Variants in TXNDC15 observed in about 807,000 individuals in gnomAD.
TXNDC15 encodes thioredoxin domain-containing protein 15.
A neutral mutation model predicts 35.0 loss-of-function variants in TXNDC15; 24 were observed. That is an observed-to-expected ratio of 0.68 (90% CI 0.50 to 0.96). The LOEUF (loss-of-function observed/expected upper bound fraction) is 0.96. Among genes scored for constraint, TXNDC15 ranks in the 40% least tolerant of loss-of-function variants. TXNDC15 has a pLI of 0.00. For synonymous variants in TXNDC15, 169 were observed against 174.0 expected (o/e 0.97, Z 0.23); for missense variants, 385 against 453.3 (o/e 0.85, Z 1.37).
At chr5:134,896,682 C>A (rs1299119042) in intron 4 of TXNDC15, among the ~76,000 whole-genome samples, 1 of 130,324 alleles carries the variant, frequency 7.7e-6, no homozygotes, top group South Asian at 2.4e-4. Flanking sequence ...CTTGCTCTGT[C>A]GCCCAGGCTG....
chr5:134,877,947 G>A (rs184061578), intron 1 of TXNDC15, among the ~76,000 whole-genome samples: 1 of 152,148 alleles, frequency 6.6e-6, no homozygotes, highest in East Asian at 1.9e-4. Flanking sequence ...CTAATTTTTG[G>A]TATTTTTAGT....
At chr5:134,876,837 C>G (rs896889903) in intron 1 of TXNDC15, among the ~76,000 whole-genome samples, 1 of 151,296 alleles carries the variant, frequency 6.6e-6, no homozygotes, top group African/African-American at 2.4e-5. Flanking sequence ...CAATGCTATC[C>G]AGGTGTCTAG....
chr5:134,889,129 G>A (rs963131009), intron 2 of TXNDC15, among the ~76,000 whole-genome samples: 2 of 152,352 alleles, frequency 1.3e-5, no homozygotes, highest in East Asian at 3.9e-4. Context: ...AGATGCTGTG[G>A]TCTGTGGGAC....
Position 134,888,085 on chromosome 5 carries a change from A to G in TXNDC15, c.494A>G (p.Asn165Ser), listed in dbSNP as rs764116198. The G allele has an allele frequency of 4.2e-5, 68 of 1,614,118 alleles. 1 individual carries two copies. Among genetic ancestry groups the G allele is most frequent in the Admixed American group, 8.3e-5 (5 of 60,002 alleles). ...GACGCAGCCCCGACAGAGGACTCCA[A>G]TAACACTGAAAGTCTGAAATCCCCA... Reference protein sequence around the residue: ...ESDAAPTEDSNNTESLKSPKV... With the variant: ...ESDAAPTEDSSNTESLKSPKV... The change falls in exon 2 of 5, where the codon AAT becomes AGT. Residue 165 changes from asparagine (N) to serine (S), a missense_variant. By Grantham distance (46) the Asn-to-Ser change is conservative. Transcript: ENST00000358387.
intron 2 of TXNDC15, 79 bp from the exon 3 acceptor site, chr5:134,893,413 G>A (rs1750425881): frequency 3.2e-6 from 5 of 1,559,550 alleles, no homozygotes; most frequent in African/African-American, 1.4e-5. Flanking sequence ...TGGAGCAGCA[G>A]TGTGTCCTGT....
chr5:134,882,291 C>G (rs973247937), intron 1 of TXNDC15, among the ~76,000 whole-genome samples: 1 of 151,328 alleles, frequency 6.6e-6, no homozygotes. Flanking sequence ...GGATGGCGGC[C>G]GGGAAGAGGC....
At chr5:134,879,386 G>T (rs149112956) in intron 1 of TXNDC15, among the ~76,000 whole-genome samples, 1,665 of 152,290 alleles carry the variant, frequency 0.011, 19 homozygotes, top group Non-Finnish European at 0.017. Context: ...AATCTAGAAT[G>T]TTGATTAGGT....
intron 3 of TXNDC15, among the ~76,000 whole-genome samples, chr5:134,895,746 A>G (rs1292916028): frequency 6.6e-6 from 1 of 152,220 alleles, no homozygotes; most frequent in Non-Finnish European, 1.5e-5. Flanking sequence ...TTGGGAGCTT[A>G]TCACCACTAG....
intron 1 of TXNDC15, among the ~76,000 whole-genome samples, chr5:134,875,792 C>T (rs2150182850): frequency 6.6e-6 from 1 of 152,198 alleles, no homozygotes; most frequent in South Asian, 2.1e-4. Context: ...GCCTCAGCCT[C>T]CTGAGTAGCT....
chr5:134,899,175 G>A (rs952974128), intron 4 of TXNDC15, among the ~76,000 whole-genome samples: 2 of 151,902 alleles, frequency 1.3e-5, no homozygotes, highest in South Asian at 2.1e-4. Flanking sequence ...ACTGAACTTT[G>A]GTCTCAAAAG....
Position 134,888,082 on chromosome 5 carries a change from CCAATAA to C in TXNDC15, c.494_499del (p.Asn165_Asn166del). ...TCTGACGCAGCCCCGACAGAGGACT[CCAATAA>C]CACTGAAAGTCTGAAATCCCCAAAG... On this transcript the variant is annotated inframe_deletion, in exon 2 of 5. Coordinates refer to ENST00000358387, the MANE Select transcript of TXNDC15 (RefSeq NM_024715.4). The C allele has an allele frequency of 6.2e-7, 1 of 1,614,086 alleles. No individual in the cohort carries two copies.
intron 1 of TXNDC15, among the ~76,000 whole-genome samples, chr5:134,883,497 C>G (rs182207283): frequency 7.0e-6 from 1 of 143,240 alleles, no homozygotes; most frequent in East Asian, 2.2e-4. Context: ...ATCCTAGCTG[C>G]TTGGGAGGCT....
chr5:134,896,360 G>A lies in TXNDC15; in HGVS notation c.822G>A (p.Met274Ile). 6.2e-7 allele frequency: 1 copy of A among 1,613,864 alleles called. No individual in the cohort carries two copies. Among genetic ancestry groups the A allele is most frequent in the Non-Finnish European group, 8.5e-7 (1 of 1,179,916 alleles). ...NILLFQGAKPMARFNHTDRTL... is the reference protein window; with the variant it reads ...NILLFQGAKPIARFNHTDRTL... Reference sequence around the variant, plus strand: ...TATTATTTCAAGGAGCTAAACCAATGGCCAGATTTAATCATACAGATCGAA... The same window carrying A: ...TATTATTTCAAGGAGCTAAACCAATAGCCAGATTTAATCATACAGATCGAA... The change falls in exon 4 of 5, where the codon ATG becomes ATA. Residue 274 changes from methionine to isoleucine, a missense_variant. Met to Ile is a conservative substitution (Grantham distance 10). Transcript: ENST00000358387.
At chr5:134,897,578 T>A (rs1455237495) in intron 4 of TXNDC15, among the ~76,000 whole-genome samples, 1 of 152,256 alleles carries the variant, frequency 6.6e-6, no homozygotes, top group African/African-American at 2.4e-5. Flanking sequence ...CAAGTGTTAC[T>A]GAAATATAAT....
chr5:134,890,268 C>T (rs921467532), intron 2 of TXNDC15, among the ~76,000 whole-genome samples: 3 of 151,926 alleles, frequency 2.0e-5, no homozygotes, highest in African/African-American at 7.3e-5. Context: ...CTCCTGGGCT[C>T]AAGTGATCCT....
chr5:134,883,062 G>A (rs1580860539), intron 1 of TXNDC15, among the ~76,000 whole-genome samples: 2 of 152,302 alleles, frequency 1.3e-5, no homozygotes, highest in African/African-American at 4.8e-5. Flanking sequence ...GCTGAGGCGG[G>A]CAGATTACTT....
At chr5:134,897,175 C>T (rs1750506717) in intron 4 of TXNDC15, among the ~76,000 whole-genome samples, 1 of 151,968 alleles carries the variant, frequency 6.6e-6, no homozygotes, top group Non-Finnish European at 1.5e-5. Flanking sequence ...CTCAAGTGAT[C>T]CACCCGCCTC....
chr5:134,878,175 G>A (rs536548719), intron 1 of TXNDC15, among the ~76,000 whole-genome samples: 3 of 152,336 alleles, frequency 2.0e-5, no homozygotes, highest in Admixed American at 1.3e-4. Flanking sequence ...GCCTCCCAAA[G>A]TGTTAGGATT....
intron 3 of TXNDC15, among the ~76,000 whole-genome samples, 174 bp downstream of exon 3, chr5:134,893,829 G>C (rs964823422): frequency 2.0e-5 from 3 of 152,144 alleles, no homozygotes; most frequent in Non-Finnish European, 4.4e-5. Context: ...GGGAGCTGGT[G>C]GTGTCACTTT....
Sources: gnomAD v4.1 joint callset for allele counts (sites outside exome capture counted in the v4.1 genomes callset) on GRCh38, gnomAD v4.1.1 for gene constraint, MANE v1.5 for transcripts, NCBI Gene and HGNC (gene_info 2026-07-23, HGNC 2026-07-21) for gene names.